Variants in RBM26 observed in about 807,000 individuals in gnomAD.
The protein encoded by RBM26 is RNA-binding protein 26.
In RBM26, 30 loss-of-function variants were observed where a neutral mutation model predicts 123.6. The ratio of observed to expected loss-of-function variants is 0.24; its 90% confidence interval spans 0.18 to 0.33. RBM26 has a LOEUF of 0.33. Ranked by LOEUF, RBM26 falls within the 10% of genes least tolerant of loss-of-function variation. RBM26 has a pLI of 1.00. For synonymous variants in RBM26, 400 were observed against 404.4 expected (o/e 0.99, Z 0.13); for missense variants, 947 against 1,203.6 (o/e 0.79, Z 3.15).
chr13:79,335,836 A>C (rs2070275725), intron 19 of RBM26, among the ~76,000 whole-genome samples: 1 of 152,136 alleles, frequency 6.6e-6, no homozygotes, highest in Non-Finnish European at 1.5e-5. Context: ...AACTATACAC[A>C]ACATACAAAT....
intron 1 of RBM26, among the ~76,000 whole-genome samples, chr13:79,392,988 G>A (rs1049531536): frequency 6.6e-6 from 1 of 152,092 alleles, no homozygotes; most frequent in African/African-American, 2.4e-5. Flanking sequence ...ACATGCTGTC[G>A]AGAGATTAGA....
At chr13:79,315,007 A>G (rs1369665479), downstream of RBM26, 4 of 1,294,670 alleles carry the variant, frequency 3.1e-6, no homozygotes, top group Middle Eastern at 2.1e-4. Flanking sequence ...GAAAAAGAGA[A>G]GACTATTAAA....
intron 1 of RBM26, among the ~76,000 whole-genome samples, chr13:79,393,341 T>C (rs918472138): frequency 2.6e-5 from 4 of 152,250 alleles, no homozygotes; most frequent in African/African-American, 9.6e-5. Context: ...AGCTGCCCAC[T>C]TGGCCCTCTT....
At chr13:79,328,476 G>GA (rs1266069348) in intron 20 of RBM26, among the ~76,000 whole-genome samples, 99 of 138,560 alleles carry the variant, frequency 7.1e-4, no homozygotes, top group Admixed American at 3.1e-3. Context: ...AGTCTTCAAA[G>GA]AAAAAAAAAA....
chr13:79,323,700 G>C (rs2067987495), intron 20 of RBM26, among the ~76,000 whole-genome samples: 1 of 151,622 alleles, frequency 6.6e-6, no homozygotes, highest in Non-Finnish European at 1.5e-5. Context: ...AATTTCTGAT[G>C]ATCTAACTTT....
chr13:79,368,630 T>C, intron 6 of RBM26, 100 bp downstream of exon 6: 1 of 1,177,618 alleles, frequency 8.5e-7, no homozygotes, highest in Middle Eastern at 2.4e-4. Flanking sequence ...TTCCCACTTT[T>C]CAGAGGTAAG....
chr13:79,365,171 G>A (rs933826309), intron 9 of RBM26, among the ~76,000 whole-genome samples: 5 of 152,116 alleles, frequency 3.3e-5, no homozygotes, highest in Non-Finnish European at 5.9e-5. Context: ...AGCCAGTCAC[G>A]GGGGCTCAAG....
At chr13:79,316,062 T>C (rs974822572), downstream of RBM26, among the ~76,000 whole-genome samples, 7 of 151,870 alleles carry the variant, frequency 4.6e-5, no homozygotes, top group Non-Finnish European at 8.9e-5. Context: ...TAAATTTCCA[T>C]TTGTAATTTA....
Position 79,319,492 on chromosome 13 carries a change from G to A in RBM26, c.*1129C>T. The A allele has an allele frequency of 1.0e-6, 1 of 984,074 alleles. No individual in the cohort carries two copies. The highest frequency in any genetic ancestry group is 1.2e-6 in the Non-Finnish European group (1 of 828,992). The allele number at this position is 984,074 out of a possible 1,614,324, so 61.0% of individuals were successfully genotyped here. Reference sequence around the variant, plus strand: ...GCAAACATCAAAGATTTTTATACAAGTATAGGAAGTACACACTTAAAATAT... The same window carrying A: ...GCAAACATCAAAGATTTTTATACAAATATAGGAAGTACACACTTAAAATAT... On this transcript the variant is annotated 3_prime_UTR_variant, in exon 22 of 22. Coordinates refer to ENST00000438737, the MANE Select transcript of RBM26 (RefSeq NM_001366735.2).
At chr13:79,385,729 G>A (rs764955131) in intron 1 of RBM26, among the ~76,000 whole-genome samples, 5 of 152,210 alleles carry the variant, frequency 3.3e-5, no homozygotes, top group African/African-American at 7.2e-5. Flanking sequence ...CTCTATATTT[G>A]TTTGAGTAAT....
rs757072287 is a variant in RBM26, at chr13:79,337,320, C to CAGGA, written c.2533-19_2533-18insTCCT. 6.2e-6 allele frequency: 10 copies of CAGGA among 1,613,818 alleles called. No homozygotes were observed. Among genetic ancestry groups the CAGGA allele is most frequent in the Middle Eastern group, 1.6e-4 (1 of 6,082 alleles). On this transcript the variant is annotated intron_variant, in intron 18 of 21. Coordinates refer to ENST00000438737, the MANE Select transcript of RBM26 (RefSeq NM_001366735.2). ...TTGGCAGCCTAGAAGAGATTAGACA[C>CAGGA]ACAGGTTAAACAATGCTGTGATTAC... is the stretch of plus-strand genomic sequence containing the variant.
intron 1 of RBM26, among the ~76,000 whole-genome samples, chr13:79,396,682 T>C (rs1019318056): frequency 9.7e-6 from 1 of 102,862 alleles, no homozygotes; most frequent in African/African-American, 4.0e-5. Flanking sequence ...GAAAAAAAAA[T>C]AGAACCCTAA....
At chr13:79,398,390 A>G (rs1370883990) in intron 1 of RBM26, among the ~76,000 whole-genome samples, 1 of 152,232 alleles carries the variant, frequency 6.6e-6, no homozygotes, top group Non-Finnish European at 1.5e-5. Context: ...GAAGTGCTAA[A>G]ACATACAGAA....
At chr13:79,333,475 T>A (rs114857994) in intron 20 of RBM26, among the ~76,000 whole-genome samples, 1 of 152,208 alleles carries the variant, frequency 6.6e-6, no homozygotes, top group African/African-American at 2.4e-5. Context: ...ACAAAGAGGA[T>A]AAATAAATGT....
At chr13:79,338,906 G>T (rs2070903444) in intron 18 of RBM26, among the ~76,000 whole-genome samples, 1 of 152,146 alleles carries the variant, frequency 6.6e-6, no homozygotes, top group Non-Finnish European at 1.5e-5. Flanking sequence ...AGCAAAGGGA[G>T]AAATCAATTA....
At chr13:79,355,114 C>A in intron 12 of RBM26, 106 bp downstream of exon 12, 1 of 972,816 alleles carries the variant, frequency 1.0e-6, no homozygotes, top group South Asian at 1.7e-5. Flanking sequence ...AATGCAGAAC[C>A]AGGGTATGAA....
intron 3 of RBM26, among the ~76,000 whole-genome samples, chr13:79,375,716 T>C (rs1413414837): frequency 2.6e-5 from 4 of 152,052 alleles, no homozygotes; most frequent in African/African-American, 9.7e-5. Context: ...TATGTGTATA[T>C]GAAAATATAC....
intron 1 of RBM26, among the ~76,000 whole-genome samples, chr13:79,403,443 C>T (rs907812744): frequency 1.3e-5 from 2 of 152,128 alleles, no homozygotes; most frequent in African/African-American, 4.8e-5. Context: ...TAAGTAGCTA[C>T]AGTCTTCTCA....
chr13:79,319,627 A>G lies in RBM26; in HGVS notation c.*994T>C. Reference sequence around the variant, plus strand: ...GTTTTCTTTCATACATCCAAAATGTAATGTGATGTTTTCTTATTCACCAAA... The same window carrying G: ...GTTTTCTTTCATACATCCAAAATGTGATGTGATGTTTTCTTATTCACCAAA... On this transcript the variant is annotated 3_prime_UTR_variant, in exon 22 of 22. Coordinates refer to ENST00000438737, the MANE Select transcript of RBM26 (RefSeq NM_001366735.2). The G allele has an allele frequency of 4.1e-6, 4 of 984,158 alleles. No homozygotes were observed. The highest frequency in any genetic ancestry group is 3.6e-6 in the Non-Finnish European group (3 of 828,988). 61.0% of individuals were successfully genotyped at this position (984,158 alleles called of 1,614,324 possible). A position where few individuals can be genotyped will look rare whatever the true frequency, so the allele number is the denominator to read the frequency against.
Sources: allele counts gnomAD v4.1 joint callset (sites outside exome capture counted in the v4.1 genomes callset), GRCh38; gene constraint gnomAD v4.1.1; transcripts MANE v1.5; gene names NCBI Gene and HGNC (gene_info 2026-07-23, HGNC 2026-07-21).